Variants in FIGN observed in about 807,000 individuals in gnomAD.
FIGN encodes fidgetin, microtubule severing factor.
A neutral mutation model predicts 51.3 loss-of-function variants in FIGN; 11 were observed. The ratio of observed to expected loss-of-function variants is 0.21; its 90% confidence interval spans 0.13 to 0.35. FIGN has a LOEUF of 0.35. Ranked by LOEUF, FIGN falls within the 10% of genes least tolerant of loss-of-function variation. FIGN has a pLI of 1.00. For synonymous variants in FIGN, 407 were observed against 363.2 expected (o/e 1.12, Z -1.37); for missense variants, 857 against 943.6 (o/e 0.91, Z 1.20).
At chr2:163,713,574 CTTCACATCAGTTTTAACTTTGAT>C (rs1559030139) in intron 2 of FIGN, among the ~76,000 whole-genome samples, 1 of 152,122 alleles carries the variant, frequency 6.6e-6, no homozygotes, top group East Asian at 1.9e-4. Flanking sequence ...TGTAATCCCC[CTTCACATCAGTTTTAACTTTGAT>C]TCTAGTTTAA....
chr2:163,616,411 A>G (rs1242684939), intron 2 of FIGN, among the ~76,000 whole-genome samples: 3 of 152,148 alleles, frequency 2.0e-5, no homozygotes, highest in Non-Finnish European at 2.9e-5. Context: ...TCACTACCCA[A>G]CCCACTCCTT....
At chr2:163,650,944 T>C (rs1683463591) in intron 2 of FIGN, among the ~76,000 whole-genome samples, 2 of 152,322 alleles carry the variant, frequency 1.3e-5, no homozygotes, top group South Asian at 2.1e-4. Context: ...ATTGTGACTT[T>C]GTATAGGAGC....
At chr2:163,714,553 T>G (rs999913730) in intron 2 of FIGN, among the ~76,000 whole-genome samples, 7 of 152,214 alleles carry the variant, frequency 4.6e-5, no homozygotes, top group African/African-American at 1.7e-4. Flanking sequence ...ATTACTGTTT[T>G]TAAAACTCCT....
At chr2:163,703,407 C>T (rs1030545366) in intron 2 of FIGN, among the ~76,000 whole-genome samples, 11 of 151,972 alleles carry the variant, frequency 7.2e-5, no homozygotes, top group African/African-American at 2.4e-4. Context: ...GTTGAACATG[C>T]AAATTTGTAG....
At chr2:163,614,219 C>G (rs1003970520) in intron 2 of FIGN, among the ~76,000 whole-genome samples, 2 of 151,966 alleles carry the variant, frequency 1.3e-5, no homozygotes, top group Non-Finnish European at 2.9e-5. Context: ...GGAAAACACA[C>G]CGCAAAATGG....
chr2:163,660,265 CT>C (rs1683629566), intron 2 of FIGN, among the ~76,000 whole-genome samples: 1 of 152,100 alleles, frequency 6.6e-6, no homozygotes, highest in Non-Finnish European at 1.5e-5. Context: ...ATTCTGCAAA[CT>C]TTCATAATAA....
chr2:163,648,994 A>G (rs1327945121), intron 2 of FIGN, among the ~76,000 whole-genome samples: 1 of 152,164 alleles, frequency 6.6e-6, no homozygotes, highest in African/African-American at 2.4e-5. Flanking sequence ...CTATATAAAA[A>G]CATACTGTAT....
intron 2 of FIGN, among the ~76,000 whole-genome samples, chr2:163,616,371 T>C (rs1682877963): frequency 6.6e-6 from 1 of 152,328 alleles, no homozygotes; most frequent in African/African-American, 2.4e-5. Context: ...GTTTTTAGCA[T>C]ATATTCATAG....
chr2:163,651,308 CA>C (rs1005380105), intron 2 of FIGN, among the ~76,000 whole-genome samples: 49 of 151,812 alleles, frequency 3.2e-4, no homozygotes, highest in African/African-American at 1.2e-3. Context: ...TAAAAATACA[CA>C]AAATTAGCCA....
intron 2 of FIGN, among the ~76,000 whole-genome samples, chr2:163,700,715 T>C (rs1684395367): frequency 6.6e-6 from 1 of 152,116 alleles, no homozygotes; most frequent in African/African-American, 2.4e-5. Context: ...CATTTGAGGA[T>C]AAGAAATGCC....
intron 2 of FIGN, among the ~76,000 whole-genome samples, chr2:163,631,599 C>G (rs1368331793): frequency 6.6e-6 from 1 of 152,090 alleles, no homozygotes; most frequent in East Asian, 1.9e-4. Context: ...TGGTCCCTTC[C>G]CTCCCTTTCC....
At chr2:163,687,098 A>G (rs188142680) in intron 2 of FIGN, among the ~76,000 whole-genome samples, 3 of 152,200 alleles carry the variant, frequency 2.0e-5, no homozygotes, top group Non-Finnish European at 4.4e-5. Context: ...GATAAAGTTC[A>G]TATCATGATT....
intron 2 of FIGN, among the ~76,000 whole-genome samples, chr2:163,623,685 T>G (rs952011261): frequency 5.3e-5 from 8 of 152,164 alleles, no homozygotes; most frequent in Non-Finnish European, 1.0e-4. Context: ...GAATGCCTAC[T>G]AAGAGTACTG....
At chr2:163,685,290 T>C (rs1279246506) in intron 2 of FIGN, among the ~76,000 whole-genome samples, 1 of 152,234 alleles carries the variant, frequency 6.6e-6, no homozygotes, top group Non-Finnish European at 1.5e-5. Context: ...CCTTTTGTGA[T>C]GAGTTGGCAA....
chr2:163,622,358 G>T (rs79826467), intron 2 of FIGN, among the ~76,000 whole-genome samples: 4,567 of 151,784 alleles, frequency 0.03, 247 homozygotes, highest in African/African-American at 0.1. Context: ...TAATAAAGTT[G>T]CTCCCAATAT....
intron 2 of FIGN, among the ~76,000 whole-genome samples, chr2:163,631,103 G>A (rs1039035025): frequency 1.3e-5 from 2 of 152,160 alleles, no homozygotes; most frequent in Non-Finnish European, 1.5e-5. Flanking sequence ...GGGAAGCAGA[G>A]CTCGAGTTAG....
chr2:163,632,317 T>C (rs1263064745), intron 2 of FIGN, among the ~76,000 whole-genome samples: 2 of 152,158 alleles, frequency 1.3e-5, no homozygotes, highest in African/African-American at 4.8e-5. Context: ...AACTCCTGGG[T>C]CATCAGAGCT....
intron 2 of FIGN, among the ~76,000 whole-genome samples, chr2:163,728,397 AACACACACAC>A (rs60526284): frequency 5.0e-4 from 71 of 141,926 alleles, no homozygotes; most frequent in African/African-American, 1.0e-3. Context: ...CAAACCATTA[AACACACACAC>A]ACACACACAC....
rs995256328 is a variant in FIGN, at chr2:163,607,276, C to T, written c.*2276G>A. 6.6e-5 allele frequency: 10 copies of T among 152,122 alleles called. No homozygotes were observed. The highest frequency in any genetic ancestry group is 4.1e-4 in the South Asian group (2 of 4,832). 9.4% of individuals were successfully genotyped at this position (152,122 alleles called of 1,614,324 possible). On this transcript the variant is annotated 3_prime_UTR_variant, in exon 3 of 3. Coordinates refer to ENST00000333129, the MANE Select transcript of FIGN (RefSeq NM_018086.4). ...GGATGCACAGGGTAGACCCAGAACA[C>T]GATTGTAGCATTTATTCACTTGCGA...
Sources: gnomAD v4.1 joint callset for allele counts (sites outside exome capture counted in the v4.1 genomes callset) on GRCh38, gnomAD v4.1.1 for gene constraint, MANE v1.5 for transcripts, NCBI Gene and HGNC (gene_info 2026-07-23, HGNC 2026-07-21) for gene names.